The following KCNQ1 variants were observed in gnomAD, a reference collection of about 807,000 sequenced individuals.
The protein encoded by KCNQ1 is potassium voltage-gated channel subfamily KQT member 1.
KCNQ1 carries 49 observed loss-of-function variants against 72.4 expected under a neutral mutation model. That is an observed-to-expected ratio of 0.68 (90% CI 0.54 to 0.86). KCNQ1 has a LOEUF of 0.86. Among genes scored for constraint, KCNQ1 ranks in the 40% least tolerant of loss-of-function variants. The pLI is 0.00. For synonymous variants in KCNQ1, 450 were observed against 412.6 expected (o/e 1.09, Z -1.10); for missense variants, 790 against 945.1 (o/e 0.84, Z 2.15).
chr11:2,564,396 C>A lies in KCNQ1; in HGVS notation c.478-6232C>A, dbSNP rs1178562915. Among the ~76,000 whole-genome samples the A allele has an allele frequency of 6.6e-6, 1 of 152,144 alleles. No homozygotes were observed. Among genetic ancestry groups the A allele is most frequent in the African/African-American group, 2.4e-5 (1 of 41,420 alleles). On this transcript the variant is annotated intron_variant, in intron 2 of 15. Transcript: ENST00000155840. The surrounding 1 kb of genome is among the most constrained non-coding windows in gnomAD (Gnocchi z 4.5). ...ATCACCTGAGGTCAGGAGTTTGAGA[C>A]CAGCCTGGCCAACATGGTGAAACCT... is the stretch of plus-strand genomic sequence containing the variant.
intron 15 of KCNQ1, among the ~76,000 whole-genome samples, chr11:2,820,848 C>T (rs907001931): frequency 6.6e-6 from 1 of 152,220 alleles, no homozygotes; most frequent in African/African-American, 2.4e-5. Flanking sequence ...GCCATGTCCT[C>T]CACATCCCCT....
rs543069927 is a variant in KCNQ1, at chr11:2,668,471, T to C, written c.1514+6390T>C. The C allele has an allele frequency of 5.0e-6, 2 of 398,640 alleles. No individual in the cohort carries two copies. Among genetic ancestry groups the C allele is most frequent in the East Asian group, 3.6e-5 (1 of 28,076 alleles). The allele number at this position is 398,640 out of a possible 1,614,324, so 24.7% of individuals were successfully genotyped here. On this transcript the variant is annotated intron_variant, in intron 11 of 15. Transcript: ENST00000155840. This position sits in a 1 kb window ranked among gnomAD's most constrained non-coding sequence, Gnocchi z 4.3. ...CCTAACACTTGGCATTTTCCGTCGT[T>C]TCCTTTTCAGCCATGATGGTGAATG...
At chr11:2,788,203 CCTT>C (rs1846949155) in intron 15 of KCNQ1, among the ~76,000 whole-genome samples, 1 of 152,074 alleles carries the variant, frequency 6.6e-6, no homozygotes, top group Non-Finnish European at 1.5e-5. Context: ...CTCCTGGGCT[CCTT>C]CTCCACAGCA....
chr11:2,467,324 A>T lies in KCNQ1; in HGVS notation c.386+21840A>T, dbSNP rs182525942. ...GGCAGGGGCCCAGGAGGAGGGCAGG[A>T]CTGGCTTCAACGGTGTCGGCCTCTA... On this transcript the variant is annotated intron_variant, in intron 1 of 15. Transcript: ENST00000155840. 2.6e-3 allele frequency among the ~76,000 whole-genome samples: 398 copies of T among 152,190 alleles called. 1 individual carries two copies. Among genetic ancestry groups the T allele is most frequent in the African/African-American group, 9.1e-3 (376 of 41,524 alleles).
chr11:2,540,301 C>A (rs1168397507), intron 2 of KCNQ1, among the ~76,000 whole-genome samples: 1 of 152,226 alleles, frequency 6.6e-6, no homozygotes, highest in African/African-American at 2.4e-5. Flanking sequence ...AGAGTGAAAA[C>A]CAGAGGCCCT....
At chr11:2,649,972 CTTCA>C in intron 10 of KCNQ1, 1 of 398,422 alleles carries the variant, frequency 2.5e-6, no homozygotes, top group Non-Finnish European at 4.4e-6. Flanking sequence ...CGCAGGCATT[CTTCA>C]TTCTTTTTTA....
chr11:2,602,689 C>CT lies in KCNQ1; in HGVS notation c.1393+13839dup, dbSNP rs1228251729. 1.3e-5 allele frequency among the ~76,000 whole-genome samples: 2 copies of CT among 152,200 alleles called. No homozygotes were observed. The highest frequency in any genetic ancestry group is 4.8e-5 in the African/African-American group (2 of 41,470). ...TCCTCATTAGGATGATACTGAACAT[C>CT]TTTTCATGTGCCTGTTTGCCATTTT... On this transcript the variant is annotated intron_variant, in intron 10 of 15. Transcript: ENST00000155840. This position sits in a 1 kb window ranked among gnomAD's most constrained non-coding sequence, Gnocchi z 4.8.
rs1361250808 is a variant in KCNQ1 at position 2,746,361 on chromosome 11, A to G, written c.1515-22483A>G. On this transcript the variant is annotated intron_variant, in intron 11 of 15. Coordinates refer to ENST00000155840, the MANE Select transcript of KCNQ1 (RefSeq NM_000218.3). This position sits in a 1 kb window ranked among gnomAD's most constrained non-coding sequence, Gnocchi z 5.9. ...TGTCACAAGGAAACAACAGTGCTACATGACTGTTAACTGAGTCCATGCTTG... is the reference window on the plus strand; with the variant it reads ...TGTCACAAGGAAACAACAGTGCTACGTGACTGTTAACTGAGTCCATGCTTG... Among the ~76,000 whole-genome samples the G allele has an allele frequency of 6.6e-6, 1 of 152,210 alleles. No individual in the cohort carries two copies. The highest frequency in any genetic ancestry group is 2.4e-5 in the African/African-American group (1 of 41,446).
chr11:2,511,552 C>T (rs375974161), intron 1 of KCNQ1, among the ~76,000 whole-genome samples: 1 of 152,194 alleles, frequency 6.6e-6, no homozygotes, highest in African/African-American at 2.4e-5. Flanking sequence ...TGCTCCCAGC[C>T]GCTGTGTAGA....
intron 15 of KCNQ1, among the ~76,000 whole-genome samples, chr11:2,831,065 C>T (rs1273719835): frequency 6.6e-6 from 1 of 152,252 alleles, no homozygotes; most frequent in Admixed American, 6.5e-5. Context: ...CCCATGCTCT[C>T]TGCGCCCCAT....
At chr11:2,574,968 C>T (rs1232770666) in intron 6 of KCNQ1, among the ~76,000 whole-genome samples, 1 of 152,128 alleles carries the variant, frequency 6.6e-6, no homozygotes, top group Non-Finnish European at 1.5e-5. Context: ...AGGGCGTGCT[C>T]GGGGGATGGA....
rs56155991 is a variant in KCNQ1, at chr11:2,844,994, G to A, written c.1795-2773G>A. Reference sequence around the variant, plus strand: ...CCAGGCTTTGCCCTCAAAGACCCACGCTGGCTGCACCTTTGATCTGCTACG... The same window carrying A: ...CCAGGCTTTGCCCTCAAAGACCCACACTGGCTGCACCTTTGATCTGCTACG... On this transcript the variant is annotated intron_variant, in intron 15 of 15. Transcript: ENST00000155840. Among the ~76,000 whole-genome samples, 582 of 152,326 alleles carry A rather than the reference G, an allele frequency of 3.8e-3. 3 individuals carry two copies. Among genetic ancestry groups the A allele is most frequent in the African/African-American group, 0.013 (544 of 41,574 alleles).
In KCNQ1 at chr11:2,515,983, G is replaced by A. The variant is rs995686751; in HGVS notation, c.387-11945G>A. Among the ~76,000 whole-genome samples the A allele has an allele frequency of 3.3e-5, 5 of 151,894 alleles. No homozygotes were observed. The highest frequency in any genetic ancestry group is 6.6e-5 in the Admixed American group (1 of 15,262). On this transcript the variant is annotated intron_variant, in intron 1 of 15. Transcript: ENST00000155840. This position sits in a 1 kb window ranked among gnomAD's most constrained non-coding sequence, Gnocchi z 4.7. ...GCTGCAGTGACAGCCCAGACCCCAG[G>A]GGCCGGGCATCCCACAGCTCTCCTC...
At chr11:2,594,978 A>G (rs936658401) in intron 10 of KCNQ1, among the ~76,000 whole-genome samples, 40 of 152,186 alleles carry the variant, frequency 2.6e-4, no homozygotes, top group African/African-American at 8.4e-4. Flanking sequence ...TGGGGTTCCT[A>G]TGTATCCTGT....
chr11:2,790,167 C>A (rs1406472558), intron 15 of KCNQ1, among the ~76,000 whole-genome samples: 1 of 152,204 alleles, frequency 6.6e-6, no homozygotes, highest in African/African-American at 2.4e-5. Flanking sequence ...CCACTAACTG[C>A]CACTGGGTGA....
chr11:2,577,909 G>T (rs1046546520), intron 6 of KCNQ1, among the ~76,000 whole-genome samples: 3 of 151,834 alleles, frequency 2.0e-5, no homozygotes, highest in Non-Finnish European at 4.4e-5. Flanking sequence ...CCCTTTCCCA[G>T]GCCACCCCCC....
chr11:2,781,242 G>A lies in KCNQ1; in HGVS notation c.1794+3205G>A, dbSNP rs1339962177. On this transcript the variant is annotated intron_variant, in intron 15 of 15. Transcript: ENST00000155840. The surrounding 1 kb of genome is among the most constrained non-coding windows in gnomAD (Gnocchi z 6.6). ...CCACATAAATCCTCTTTTACAGATG[G>A]GGAAACCGAGGCTCAGAGAGGCTGA... 1.3e-5 allele frequency among the ~76,000 whole-genome samples: 2 copies of A among 152,184 alleles called. No individual in the cohort carries two copies. Among genetic ancestry groups the A allele is most frequent in the East Asian group, 1.9e-4 (1 of 5,192 alleles).
chr11:2,534,796 G>T (rs1336889262), intron 2 of KCNQ1, among the ~76,000 whole-genome samples: 1 of 152,252 alleles, frequency 6.6e-6, no homozygotes, highest in African/African-American at 2.4e-5. Flanking sequence ...TGGCAGGGTT[G>T]TTTCCGCCTG....
At chr11:2,846,998 C>A (rs1848343139) in intron 15 of KCNQ1, among the ~76,000 whole-genome samples, 1 of 152,236 alleles carries the variant, frequency 6.6e-6, no homozygotes, top group Non-Finnish European at 1.5e-5. Context: ...TAGGGCACTG[C>A]TCTGACCACA....
Sources: allele counts gnomAD v4.1 joint callset (sites outside exome capture counted in the v4.1 genomes callset), GRCh38; gene constraint gnomAD v4.1.1; non-coding constraint Gnocchi (gnomAD v3.1); transcripts MANE v1.5; gene names NCBI Gene and HGNC (gene_info 2026-07-23, HGNC 2026-07-21).